RIPOR2: variants seen among roughly 807,000 people sequenced by gnomAD.
The protein encoded by RIPOR2 is rho family-interacting cell polarization regulator 2.
RIPOR2 carries 39 observed loss-of-function variants against 114.5 expected under a neutral mutation model. The ratio of observed to expected loss-of-function variants is 0.34; its 90% CI spans 0.26 to 0.44. The LOEUF (loss-of-function observed/expected upper bound fraction) is 0.44, where lower values mean the gene tolerates loss of function less well. RIPOR2 is among the 20% of genes least tolerant of loss of function. The pLI is 1.00. For synonymous variants in RIPOR2, 445 were observed against 484.4 expected, an observed-to-expected ratio of 0.92 and a Z score of 1.07; for missense variants, 1,007 against 1,255.1, an observed-to-expected ratio of 0.80 and a Z score of 2.99.
At chr6:24,924,460 C>T (rs1770718089) in intron 1 of RIPOR2, among the ~76,000 whole-genome samples, 1 of 152,112 alleles carries the variant, frequency 6.6e-6, no homozygotes, top group Non-Finnish European at 1.5e-5. Flanking sequence ...TATCTTCTTT[C>T]ACCTGATTTA....
chr6:25,005,724 T>C (rs1418849246), intron 1 of RIPOR2, among the ~76,000 whole-genome samples: 2 of 106,450 alleles, frequency 1.9e-5, no homozygotes, highest in Admixed American at 1.0e-4. Context: ...TATATATATA[T>C]ATATATATAT....
At chr6:24,957,866 A>T (rs889431878) in intron 1 of RIPOR2, among the ~76,000 whole-genome samples, 1 of 152,108 alleles carries the variant, frequency 6.6e-6, no homozygotes, top group South Asian at 2.1e-4. Flanking sequence ...CAGAGCGAAG[A>T]CTCCGTCTCA....
intron 1 of RIPOR2, among the ~76,000 whole-genome samples, chr6:24,971,495 T>C (rs1773785812): frequency 1.3e-5 from 2 of 152,256 alleles, no homozygotes; most frequent in South Asian, 2.1e-4. Flanking sequence ...CCTTTCAAAA[T>C]GTTGACTGAT....
intron 21 of RIPOR2, among the ~76,000 whole-genome samples, chr6:24,809,247 G>C (rs1017639759): frequency 1.3e-5 from 2 of 152,128 alleles, no homozygotes; most frequent in African/African-American, 4.8e-5. Context: ...GGCTCAGATG[G>C]GCAGAGGCCA....
Position 24,861,345 on chromosome 6 carries a change from G to GA in RIPOR2, c.652-310dup, listed in dbSNP as rs1325896476. ...TCTACAAAAAGGCAGTATCATAGGG[G>GA]AAAAAATTTCTACATAAAGAGACTA... On this transcript the variant is annotated intron_variant, in intron 7 of 21. Coordinates refer to ENST00000643898, the MANE Select transcript of RIPOR2 (RefSeq NM_001286445.3). 7.2e-5 allele frequency among the ~76,000 whole-genome samples: 11 copies of GA among 152,200 alleles called. No homozygotes were observed. In the East Asian group the frequency reaches 2.1e-3, roughly 29 times the overall value.
chr6:24,851,047 C>T (rs996912501), intron 9 of RIPOR2, among the ~76,000 whole-genome samples: 1 of 152,086 alleles, frequency 6.6e-6, no homozygotes, highest in African/African-American at 2.4e-5. Context: ...AGGCATGTGC[C>T]ACCATGCCCG....
At chr6:24,913,310 A>G (rs1769816659) in intron 1 of RIPOR2, among the ~76,000 whole-genome samples, 1 of 152,148 alleles carries the variant, frequency 6.6e-6, no homozygotes, top group Admixed American at 6.5e-5. Context: ...AGGAATGAAG[A>G]GGGCACAGTG....
chr6:24,840,705 C>T, intron 13 of RIPOR2: 1 of 1,535,314 alleles, frequency 6.5e-7, no homozygotes, highest in East Asian at 2.4e-5. Context: ...ACAGTTGTCT[C>T]ATTCACCCTC....
At chr6:25,024,792 G>A (rs891769671) in intron 1 of RIPOR2, among the ~76,000 whole-genome samples, 1 of 152,196 alleles carries the variant, frequency 6.6e-6, no homozygotes, top group Non-Finnish European at 1.5e-5. Context: ...GGACTTAGCT[G>A]AAGCTGATAA....
At chr6:24,831,047 G>A (rs192201609) in intron 16 of RIPOR2, among the ~76,000 whole-genome samples, 37 of 152,220 alleles carry the variant, frequency 2.4e-4, no homozygotes, top group Admixed American at 1.7e-3. Flanking sequence ...ATGAAGACGT[G>A]TTGGGGAAAG....
At chr6:24,868,687 C>A (rs1484838088) in intron 6 of RIPOR2, among the ~76,000 whole-genome samples, 1 of 152,110 alleles carries the variant, frequency 6.6e-6, no homozygotes. Context: ...AGACAGTGGT[C>A]TTTTGGTAGT....
chr6:24,889,049 A>C (rs1255888275), intron 1 of RIPOR2, among the ~76,000 whole-genome samples: 1 of 152,212 alleles, frequency 6.6e-6, no homozygotes, highest in East Asian at 1.9e-4. Context: ...AAAAAGCAGC[A>C]CTTTAAATGC....
At chr6:25,010,935 T>C (rs1775752135) in intron 1 of RIPOR2, among the ~76,000 whole-genome samples, 1 of 152,206 alleles carries the variant, frequency 6.6e-6, no homozygotes. Context: ...GCAAGTAGCA[T>C]AGGGACACAG....
intron 1 of RIPOR2, among the ~76,000 whole-genome samples, chr6:24,878,778 G>A (rs185842882): frequency 3.3e-5 from 5 of 151,702 alleles, no homozygotes; most frequent in Admixed American, 2.6e-4. Flanking sequence ...ACTAGTGATA[G>A]GCAGAAAAAA....
intron 1 of RIPOR2, among the ~76,000 whole-genome samples, chr6:25,012,946 G>A (rs553614685): frequency 1.2e-4 from 18 of 151,636 alleles, no homozygotes; most frequent in Admixed American, 7.2e-4. Flanking sequence ...GCCTCCATAC[G>A]GAGGGGATGG....
rs139351446 is a variant in RIPOR2 at position 24,858,361 on chromosome 6, G to A, written c.715+2612C>T. Among the ~76,000 whole-genome samples the A allele has an allele frequency of 8.7e-4, 132 of 152,310 alleles. No homozygotes were observed. Among genetic ancestry groups the A allele is most frequent in the African/African-American group, 2.6e-3 (109 of 41,560 alleles). ...TTGGGGTTGGGGCAAAAAGGGAAGT[G>A]AGGAAGGGTGTGGCACGAGGAAGTT... On this transcript the variant is annotated intron_variant, in intron 8 of 21. Coordinates refer to ENST00000643898, the MANE Select transcript of RIPOR2 (RefSeq NM_001286445.3). The surrounding 1 kb of genome is among the most constrained non-coding windows in gnomAD (Gnocchi z 4.0).
intron 1 of RIPOR2, among the ~76,000 whole-genome samples, chr6:24,902,209 T>G (rs2114020346): frequency 6.6e-6 from 1 of 151,394 alleles, no homozygotes; most frequent in Admixed American, 6.6e-5. Flanking sequence ...TTTTTCTTTC[T>G]TTCTTTTTCT....
At chr6:25,020,249 A>G (rs952833391) in intron 1 of RIPOR2, among the ~76,000 whole-genome samples, 1 of 152,240 alleles carries the variant, frequency 6.6e-6, no homozygotes, top group African/African-American at 2.4e-5. Flanking sequence ...CTTATGTGTT[A>G]GTGAAAATTG....
At chr6:24,948,884 A>G (rs1772602950) in intron 1 of RIPOR2, among the ~76,000 whole-genome samples, 1 of 152,160 alleles carries the variant, frequency 6.6e-6, no homozygotes, top group South Asian at 2.1e-4. Flanking sequence ...CAGGTTGACC[A>G]CAGGGAAACT....
Sources: allele counts gnomAD v4.1 joint callset (sites outside exome capture counted in the v4.1 genomes callset), GRCh38; gene constraint gnomAD v4.1.1; non-coding constraint Gnocchi (gnomAD v3.1); transcripts MANE v1.5; gene names NCBI Gene and HGNC (gene_info 2026-07-23, HGNC 2026-07-21).